SYNE1: variants seen among roughly 807,000 people sequenced by gnomAD.
The protein encoded by SYNE1 is spectrin repeat containing nuclear envelope protein 1, also known as nesprin-1.
A neutral mutation model predicts 1,111.0 loss-of-function variants in SYNE1; 616 were observed. The observed-to-expected ratio is 0.55, with a 90% confidence interval of 0.52 to 0.59. The LOEUF (loss-of-function observed/expected upper bound fraction) is 0.59. Ranked by LOEUF, SYNE1 falls within the 20% of genes least tolerant of loss-of-function variation. The pLI, the probability that SYNE1 is intolerant of heterozygous loss-of-function variation, is 0.00. For missense variants in SYNE1, 10,006 were observed against 10,417.0 expected (o/e 0.96, Z 1.72); for synonymous variants, 3,855 against 3,825.8 (o/e 1.01, Z -0.28).
rs760469753 is a variant in SYNE1 at position 152,218,216 on chromosome 6, A to G, written c.22191+41T>C. On this transcript the variant is annotated intron_variant, in intron 121 of 145. Coordinates refer to ENST00000367255, the MANE Select transcript of SYNE1 (RefSeq NM_182961.4). ...CAAAAAAAAAAAGATTTTTGAAGAC[A>G]GATGGTAAAAGATCTGGGACTCAGA... 2.0e-5 allele frequency: 32 copies of G among 1,611,248 alleles called. No homozygotes were observed. In the Admixed American group the frequency reaches 5.3e-4, roughly 27 times the overall value.
rs1359746291 is a variant in SYNE1 at position 152,294,017 on chromosome 6, T to C, written c.17793A>G (p.Pro5931=). ...SQEFYEPGLE[P]SATAKLGDLQ... ...AATCACCCAGTTTGGCAGTAGCGGA[T>C]GGCTCCAATCCCGGTTCATAGAACT... is the stretch of plus-strand genomic sequence containing the variant. Residue 5931 remains proline (P), a synonymous_variant, in exon 94 of 146, where the codon CCA becomes CCG. Transcript: ENST00000367255. The C allele has an allele frequency of 6.2e-7, 1 of 1,614,152 alleles. No individual in the cohort carries two copies. The highest frequency in any genetic ancestry group is 8.5e-7 in the Non-Finnish European group (1 of 1,180,020).
intron 14 of SYNE1, among the ~76,000 whole-genome samples, chr6:152,481,336 G>T (rs1425942679): frequency 6.6e-6 from 1 of 152,034 alleles, no homozygotes; most frequent in Non-Finnish European, 1.5e-5. Context: ...AGGAATATTT[G>T]CTACCATGCC....
intron 6 of SYNE1, chr6:152,511,624 A>G (rs1178871785): frequency 2.5e-6 from 4 of 1,601,662 alleles, no homozygotes; most frequent in Non-Finnish European, 3.4e-6. Flanking sequence ...AAGATAATAG[A>G]TATACATAAA....
intron 3 of SYNE1, among the ~76,000 whole-genome samples, chr6:152,553,665 A>G (rs1252327493): frequency 1.3e-5 from 2 of 152,132 alleles, no homozygotes; most frequent in African/African-American, 4.8e-5. Flanking sequence ...GGAAATGTTT[A>G]TGGGAACTGG....
intron 127 of SYNE1, among the ~76,000 whole-genome samples, chr6:152,193,199 T>A (rs995852072): frequency 4.6e-5 from 7 of 152,240 alleles, no homozygotes; most frequent in Non-Finnish European, 8.8e-5. Flanking sequence ...TATGTTTTAA[T>A]TTGTTGCTTT....
At chr6:152,477,418 C>G (rs143531456) in intron 14 of SYNE1, among the ~76,000 whole-genome samples, 1 of 151,964 alleles carries the variant, frequency 6.6e-6, no homozygotes, top group African/African-American at 2.4e-5. Context: ...AAGAACACAA[C>G]GGGAATATCA....
intron 93 of SYNE1, among the ~76,000 whole-genome samples, chr6:152,298,421 G>A (rs1006474645): frequency 1.3e-5 from 2 of 152,188 alleles, no homozygotes; most frequent in African/African-American, 2.4e-5. Flanking sequence ...ATCTAGGAAT[G>A]CCTCGGTATT....
At chr6:152,513,838 T>C (rs1359350500) in intron 6 of SYNE1, among the ~76,000 whole-genome samples, 1 of 151,996 alleles carries the variant, frequency 6.6e-6, no homozygotes, top group Non-Finnish European at 1.5e-5. Context: ...CAGACACTTC[T>C]CAAAAGAAGA....
At chr6:152,542,167 G>A (rs1223114126) in intron 3 of SYNE1, among the ~76,000 whole-genome samples, 1 of 152,168 alleles carries the variant, frequency 6.6e-6, no homozygotes, top group Non-Finnish European at 1.5e-5. Context: ...GACCTTGTCT[G>A]TGCTTCAGCC....
chr6:152,408,079 A>T (rs991627762), intron 44 of SYNE1, among the ~76,000 whole-genome samples: 8 of 152,148 alleles, frequency 5.3e-5, no homozygotes, highest in Non-Finnish European at 4.4e-5. Context: ...TGTTCTTTTA[A>T]AAGTGGAAGC....
intron 130 of SYNE1, among the ~76,000 whole-genome samples, chr6:152,170,763 C>G (rs6920938): frequency 0.012 from 1,867 of 152,300 alleles, 34 homozygotes; most frequent in African/African-American, 0.043. Flanking sequence ...GGGATGAGAG[C>G]TGACCTCTAT....
intron 137 of SYNE1, chr6:152,146,024 CAAAAAAAA>C (rs57218606): frequency 2.1e-5 from 1 of 48,382 alleles, no homozygotes; most frequent in South Asian, 1.1e-3. Flanking sequence ...GACTTCGTCT[CAAAAAAAA>C]AAAAAAAAAA....
intron 100 of SYNE1, among the ~76,000 whole-genome samples, chr6:152,266,871 A>T (rs2092752292): frequency 6.6e-6 from 1 of 152,308 alleles, no homozygotes; most frequent in South Asian, 2.1e-4. Flanking sequence ...CATTGACGTC[A>T]TATGTCAGCA....
intron 78 of SYNE1, among the ~76,000 whole-genome samples, chr6:152,327,777 T>C (rs951255299): frequency 1.4e-4 from 21 of 152,208 alleles, no homozygotes; most frequent in African/African-American, 4.6e-4. Context: ...CAAGCTTACC[T>C]GACAAATGTT....
intron 2 of SYNE1, among the ~76,000 whole-genome samples, chr6:152,632,509 G>A (rs1341148519): frequency 6.6e-6 from 1 of 152,150 alleles, no homozygotes; most frequent in Non-Finnish European, 1.5e-5. Context: ...TGGGAATTAG[G>A]AAATATCAGT....
chr6:152,168,953 T>G (rs1481464097), intron 130 of SYNE1, among the ~76,000 whole-genome samples: 1 of 152,168 alleles, frequency 6.6e-6, no homozygotes, highest in Admixed American at 6.5e-5. Flanking sequence ...TTTTCTTTTG[T>G]GAATTTCAAG....
At chr6:152,340,688 A>G (rs1488236717) in intron 74 of SYNE1, among the ~76,000 whole-genome samples, 1 of 150,120 alleles carries the variant, frequency 6.7e-6, no homozygotes, top group Non-Finnish European at 1.5e-5. Flanking sequence ...AAATTCTATA[A>G]TCAGCCTGTT....
intron 144 of SYNE1, 86 bp downstream of exon 144, chr6:152,132,036 C>T: frequency 7.8e-7 from 1 of 1,281,996 alleles, no homozygotes; most frequent in Non-Finnish European, 1.1e-6. Context: ...GGACGCCTGC[C>T]TGTGAACCCT....
In SYNE1 at chr6:152,462,780, T is replaced by G. The variant is rs2098741915; in HGVS notation, c.2208A>C (p.Glu736Asp). ...ATAGCTTGACATTCATAAAAGAGACTTCTAAGGGTTCAGAAAGTTTCTTAT... is the reference window on the plus strand; with the variant it reads ...ATAGCTTGACATTCATAAAAGAGACGTCTAAGGGTTCAGAAAGTTTCTTAT... Reference protein sequence around the residue: ...EAHKKLSEPLEVSFMNVKLLI... With the variant: ...EAHKKLSEPLDVSFMNVKLLI... The change falls in exon 20 of 146, where the codon GAA becomes GAC. Residue 736 changes from glutamate (E) to aspartate (D), a missense_variant. Glu to Asp is a conservative substitution (Grantham distance 45). Coordinates refer to ENST00000367255, the MANE Select transcript of SYNE1 (RefSeq NM_182961.4). 6.2e-7 allele frequency: 1 copy of G among 1,614,046 alleles called. No homozygotes were observed. Among genetic ancestry groups the G allele is most frequent in the African/African-American group, 1.3e-5 (1 of 75,050 alleles).
Sources: allele counts gnomAD v4.1 joint callset (sites outside exome capture counted in the v4.1 genomes callset), GRCh38; gene constraint gnomAD v4.1.1; transcripts MANE v1.5; gene names NCBI Gene and HGNC (gene_info 2026-07-23, HGNC 2026-07-21).